Variants in RANBP2 observed in about 807,000 individuals in gnomAD.
RANBP2 encodes the protein E3 SUMO-protein ligase RanBP2.
RANBP2 carries 57 observed loss-of-function variants against 303.6 expected under a neutral mutation model. That is an observed-to-expected ratio of 0.19 (90% CI 0.15 to 0.23). The LOEUF (loss-of-function observed/expected upper bound fraction) is 0.23, where lower values mean the gene tolerates loss of function less well. RANBP2 is among the 10% of genes least tolerant of loss of function. RANBP2 has a pLI of 1.00. For synonymous variants in RANBP2, 1,167 were observed against 1,301.5 expected, an observed-to-expected ratio of 0.90 and a Z score of 2.23; for missense variants, 3,138 against 3,780.8, an observed-to-expected ratio of 0.83 and a Z score of 4.46.
chr2:108,945,925 C>T, the RANBP2 span, among the ~76,000 whole-genome samples: 1 of 152,224 alleles, frequency 6.6e-6, no homozygotes, highest in South Asian at 2.1e-4. Flanking sequence ...CATGAAGATG[C>T]CTATTCTATC....
the RANBP2 span, among the ~76,000 whole-genome samples, chr2:109,057,214 T>G: frequency 6.6e-6 from 1 of 152,128 alleles, no homozygotes; most frequent in Non-Finnish European, 1.5e-5. Flanking sequence ...ATCTTCAGTG[T>G]CCCCCATAAA....
the RANBP2 span, among the ~76,000 whole-genome samples, chr2:109,078,973 G>T: frequency 6.6e-6 from 1 of 151,940 alleles, no homozygotes; most frequent in Non-Finnish European, 1.5e-5. Flanking sequence ...CCTGGGCAAC[G>T]GAGCGAGACT....
the RANBP2 span, among the ~76,000 whole-genome samples, chr2:109,028,911 C>A: frequency 6.6e-6 from 1 of 152,114 alleles, no homozygotes; most frequent in African/African-American, 2.4e-5. Flanking sequence ...GCTGTCACGA[C>A]TTTAGTTGTG....
the RANBP2 span, among the ~76,000 whole-genome samples, chr2:109,053,252 G>A: frequency 6.6e-6 from 1 of 152,252 alleles, no homozygotes; most frequent in East Asian, 1.9e-4. Context: ...AAGAGAGGGT[G>A]TGAGAGGGCG....
At chr2:109,641,002 T>C in the RANBP2 span, among the ~76,000 whole-genome samples, 1 of 151,654 alleles carries the variant, frequency 6.6e-6, no homozygotes. Context: ...GGGGACAAGA[T>C]AGATATTTGG....
the RANBP2 span, among the ~76,000 whole-genome samples, chr2:109,029,436 T>C: frequency 0.021 from 3,218 of 152,286 alleles, 78 homozygotes; most frequent in East Asian, 0.078. Context: ...GAAACCATGA[T>C]GTGGCTGACA....
At chr2:108,783,014 C>G in intron 28 of RANBP2, 152 bp downstream of exon 28, 3 of 716,236 alleles carry the variant, frequency 4.2e-6, no homozygotes, top group Non-Finnish European at 7.0e-6. Context: ...CATCACTACC[C>G]ATTCCCTGCT....
the RANBP2 span, among the ~76,000 whole-genome samples, chr2:109,368,807 T>C: frequency 3.3e-5 from 5 of 152,300 alleles, no homozygotes; most frequent in African/African-American, 1.2e-4. Context: ...AAATTAAATT[T>C]CTATCTTGTG....
the RANBP2 span, among the ~76,000 whole-genome samples, chr2:109,265,280 G>A: frequency 1.1e-4 from 16 of 152,320 alleles, no homozygotes; most frequent in South Asian, 3.1e-3. Flanking sequence ...AGGGCAGCTC[G>A]TGGGCTGTGT....
At chr2:108,798,681 C>T in the RANBP2 span, 1 of 860,966 alleles carries the variant, frequency 1.2e-6, no homozygotes, top group Middle Eastern at 3.7e-4. Context: ...GCTTATTTCT[C>T]CTTCCCTTCC....
the RANBP2 span, among the ~76,000 whole-genome samples, chr2:109,347,506 T>C: frequency 1.3e-5 from 2 of 152,082 alleles, no homozygotes; most frequent in Non-Finnish European, 2.9e-5. Flanking sequence ...AATGTGCATG[T>C]TCCTGTGACA....
chr2:109,149,574 C>A, the RANBP2 span, among the ~76,000 whole-genome samples: 1 of 152,104 alleles, frequency 6.6e-6, no homozygotes, highest in Non-Finnish European at 1.5e-5. Context: ...GGCAGCCGTC[C>A]CTGGGTCTTG....
chr2:109,322,329 C>A, the RANBP2 span, among the ~76,000 whole-genome samples: 1 of 152,168 alleles, frequency 6.6e-6, no homozygotes, highest in Non-Finnish European at 1.5e-5. Flanking sequence ...GCAGCCAGGG[C>A]CGGCAGAGGC....
the RANBP2 span, among the ~76,000 whole-genome samples, chr2:109,317,473 C>T: frequency 6.6e-6 from 1 of 152,052 alleles, no homozygotes; most frequent in African/African-American, 2.4e-5. Context: ...CTGCTCTTCC[C>T]CTGGGTCTGG....
the RANBP2 span, among the ~76,000 whole-genome samples, chr2:109,015,499 T>A: frequency 6.6e-6 from 1 of 152,214 alleles, no homozygotes; most frequent in Non-Finnish European, 1.5e-5. Flanking sequence ...GGCTCATGCC[T>A]GTATTCCCAG....
At chr2:109,030,965 C>T in the RANBP2 span, among the ~76,000 whole-genome samples, 2 of 152,134 alleles carry the variant, frequency 1.3e-5, no homozygotes, top group African/African-American at 4.8e-5. Flanking sequence ...ATAACTAGTA[C>T]ACAGACTAAC....
the RANBP2 span, among the ~76,000 whole-genome samples, chr2:109,044,789 TG>T: frequency 6.9e-3 from 1,047 of 152,256 alleles, 8 homozygotes; most frequent in East Asian, 0.034. Flanking sequence ...CAACTCGTGT[TG>T]GGGCATTTTT....
the RANBP2 span, among the ~76,000 whole-genome samples, chr2:109,368,746 AAG>A: frequency 6.6e-6 from 1 of 151,466 alleles, no homozygotes; most frequent in East Asian, 1.9e-4. Context: ...GAAAGAACGA[AAG>A]AAACAAAATT....
chr2:109,640,862 G>A, the RANBP2 span, among the ~76,000 whole-genome samples: 1 of 152,142 alleles, frequency 6.6e-6, no homozygotes, highest in African/African-American at 2.4e-5. Context: ...CTATGACTGA[G>A]TGCCTGTCCA....
Sources: allele counts gnomAD v4.1 joint callset (sites outside exome capture counted in the v4.1 genomes callset), GRCh38; gene constraint gnomAD v4.1.1; transcripts MANE v1.5; gene names NCBI Gene and HGNC (gene_info 2026-07-23, HGNC 2026-07-21).